The following DPH6 variants were observed in gnomAD, a reference collection of about 807,000 sequenced individuals.
DPH6 encodes the protein diphthine--ammonia ligase.
In DPH6, 33 loss-of-function variants were observed where a neutral mutation model predicts 38.2. The ratio of observed to expected loss-of-function variants is 0.86; its 90% confidence interval spans 0.65 to 1.15. DPH6 has a LOEUF of 1.15. Ranked by LOEUF, DPH6 falls within the 50% of genes most tolerant of loss-of-function variation. The probability of loss-of-function intolerance (pLI) is 0.00; values close to 1 mark genes in which losing one functional copy is unlikely to be tolerated. For synonymous variants in DPH6, 108 were observed against 103.0 expected (o/e 1.05, Z -0.30); for missense variants, 325 against 320.0 (o/e 1.02, Z -0.12).
intron 5 of DPH6, among the ~76,000 whole-genome samples, chr15:35,426,515 T>C (rs2053572181): frequency 6.6e-6 from 1 of 151,766 alleles, no homozygotes; most frequent in Non-Finnish European, 1.5e-5. Context: ...ACATACCTTA[T>C]CTTGGCTTAT....
chr15:35,394,922 A>G (rs73378711), intron 6 of DPH6, among the ~76,000 whole-genome samples: 3,638 of 152,302 alleles, frequency 0.024, 64 homozygotes, highest in African/African-American at 0.05. Flanking sequence ...ACCAGGACAT[A>G]AAGTTATGTT....
At chr15:35,452,874 A>C (rs1223510618) in intron 4 of DPH6, among the ~76,000 whole-genome samples, 1 of 152,204 alleles carries the variant, frequency 6.6e-6, no homozygotes, top group Non-Finnish European at 1.5e-5. Context: ...TAGGTTAAAA[A>C]ATTTTACTTA....
At chr15:35,238,272 A>G (rs549275836) in intron 3 of DPH6, 7 of 321,984 alleles carry the variant, frequency 2.2e-5, no homozygotes, top group African/African-American at 1.3e-4. Flanking sequence ...ACTGCCAAAA[A>G]AAAAAAAATG....
chr15:35,528,085 T>A (rs1396489635), intron 3 of DPH6, among the ~76,000 whole-genome samples: 6 of 152,214 alleles, frequency 3.9e-5, no homozygotes, highest in Non-Finnish European at 7.4e-5. Context: ...TGTAATTGCA[T>A]ATCAAAAATA....
chr15:35,520,626 A>C (rs1449278260), intron 3 of DPH6: 3 of 984,770 alleles, frequency 3.0e-6, no homozygotes. Context: ...AAAATAATGC[A>C]AAAGTAAAAG....
the DPH6 span, among the ~76,000 whole-genome samples, chr15:35,204,222 A>G: frequency 7.2e-5 from 11 of 151,888 alleles, no homozygotes; most frequent in African/African-American, 2.6e-4. Context: ...AGCATGATCA[A>G]TTACTATCAT....
chr15:35,201,250 CCTAT>C, the DPH6 span, among the ~76,000 whole-genome samples: 1 of 151,270 alleles, frequency 6.6e-6, no homozygotes, highest in Non-Finnish European at 1.5e-5. Context: ...GATAATCTAC[CCTAT>C]CTATTATTGG....
chr15:35,317,854 G>A lies in DPH6; in HGVS notation n.200+55667C>T, dbSNP rs547715068. On this transcript the variant is annotated intron_variant and non_coding_transcript_variant, in intron 3 of 3. Coordinates refer to the DPH6 transcript ENST00000560386. Reference sequence around the variant, plus strand: ...GTAAATATCTGAAAAGTTATATTACGTTGTAATAAGTCCAGGCAATATATT... The same window carrying A: ...GTAAATATCTGAAAAGTTATATTACATTGTAATAAGTCCAGGCAATATATT... 1.1e-4 allele frequency among the ~76,000 whole-genome samples: 17 copies of A among 152,152 alleles called. No homozygotes were observed. In the South Asian group the frequency reaches 2.1e-3, roughly 19 times the overall value.
intron 3 of DPH6, among the ~76,000 whole-genome samples, chr15:35,258,342 G>C (rs1436663374): frequency 6.6e-6 from 1 of 152,100 alleles, no homozygotes; most frequent in Non-Finnish European, 1.5e-5. Flanking sequence ...CAAGCCTCTA[G>C]GATAGTCAAA....
In DPH6 at chr15:35,520,319, T is replaced by C. The variant is rs1046483173; in HGVS notation, c.312+17955A>G. 7 of 980,322 alleles carry C rather than the reference T, an allele frequency of 7.1e-6. No homozygotes were observed. The African/African-American group carries it at 1.2e-4, about 17-fold the overall frequency. 60.7% of individuals were successfully genotyped at this position (980,322 alleles called of 1,614,324 possible). A position where few individuals can be genotyped will look rare whatever the true frequency, so the allele number is the denominator to read the frequency against. On this transcript the variant is annotated intron_variant, in intron 3 of 8. Transcript: ENST00000256538. ...TTACACATAAAAACTCAAAGTAAAA[T>C]AGAAAAAGCAAGTTTTTCCTCATAG...
intron 5 of DPH6, among the ~76,000 whole-genome samples, chr15:35,445,395 CAA>C (rs11331685): frequency 0.041 from 5,148 of 125,452 alleles, 142 homozygotes; most frequent in African/African-American, 0.091. Context: ...TCATCATCAT[CAA>C]AAAAAAAAAA....
At chr15:35,425,802 TGAC>T (rs1453994331) in intron 5 of DPH6, among the ~76,000 whole-genome samples, 51 of 133,852 alleles carry the variant, frequency 3.8e-4, no homozygotes, top group African/African-American at 1.5e-3. Context: ...TATATATATA[TGAC>T]ATGACATATA....
At chr15:35,217,248 T>C (rs1292965449), downstream of DPH6, 1 of 152,218 alleles carries the variant, frequency 6.6e-6, no homozygotes, top group Non-Finnish European at 1.5e-5. Context: ...AGGTTTAGAT[T>C]AGATAACCTT....
intron 3 of DPH6, among the ~76,000 whole-genome samples, chr15:35,295,077 A>C (rs318344): frequency 0.98 from 148,419 of 152,202 alleles, 72,472 homozygotes; most frequent in East Asian, 1. Context: ...ACTAACACAC[A>C]ACGATCTCAC....
At position 35,345,614 on chromosome 15, in the gene DPH6, A is replaced by G. The variant is rs2052455584; in HGVS notation, n.208-14537T>C. ...AATTTGGATATATTATTCATGTTAT[A>G]TATCACCAGATACTACTCGATAATT... On this transcript the variant is annotated intron_variant and non_coding_transcript_variant, in intron 3 of 3. Transcript: ENST00000558973. Among the ~76,000 whole-genome samples, 7 of 151,958 alleles carry G rather than the reference A, an allele frequency of 4.6e-5. No individual in the cohort carries two copies. In the South Asian group the frequency reaches 1.5e-3, roughly 32 times the overall value.
downstream of DPH6, among the ~76,000 whole-genome samples, chr15:35,369,110 A>G (rs2052687540): frequency 4.0e-5 from 6 of 151,884 alleles, no homozygotes; most frequent in Admixed American, 3.3e-4. Flanking sequence ...GTACAGAGGC[A>G]TATGACCATT....
intron 3 of DPH6, among the ~76,000 whole-genome samples, chr15:35,316,009 G>T (rs996081765): frequency 6.6e-6 from 1 of 152,092 alleles, no homozygotes; most frequent in African/African-American, 2.4e-5. Flanking sequence ...AAGATATAGA[G>T]TAGATTGGTG....
intron 3 of DPH6, among the ~76,000 whole-genome samples, chr15:35,497,546 A>G (rs1357654723): frequency 1.3e-5 from 2 of 152,214 alleles, no homozygotes; most frequent in African/African-American, 4.8e-5. Context: ...AAGTTGAGAA[A>G]GCAAGAGTTC....
chr15:35,347,604 A>G (rs1461311376), intron 3 of DPH6, among the ~76,000 whole-genome samples: 2 of 152,088 alleles, frequency 1.3e-5, no homozygotes, highest in Admixed American at 6.6e-5. Context: ...TGGAGTCCAA[A>G]TATCTCTTCA....
Sources: gnomAD v4.1 joint callset for allele counts (sites outside exome capture counted in the v4.1 genomes callset) on GRCh38, gnomAD v4.1.1 for gene constraint, MANE v1.5 for transcripts, NCBI Gene and HGNC (gene_info 2026-07-23, HGNC 2026-07-21) for gene names.